BCL2: variants seen among roughly 807,000 people sequenced by gnomAD.
BCL2 encodes the protein BCL2 apoptosis regulator.
A neutral mutation model predicts 14.2 loss-of-function variants in BCL2; 1 was observed. The observed-to-expected ratio is 0.07, with a 90% confidence interval of 0.02 to 0.33. The LOEUF is 0.33. Ranked by LOEUF, BCL2 falls within the 10% of genes least tolerant of loss-of-function variation. The pLI is 0.99. For missense variants in BCL2, 247 were observed against 305.9 expected (o/e 0.81, Z 1.44); for synonymous variants, 151 against 137.2 (o/e 1.10, Z -0.70).
intron 2 of BCL2, among the ~76,000 whole-genome samples, chr18:63,222,804 A>C (rs2144163213): frequency 6.6e-6 from 1 of 152,362 alleles, no homozygotes; most frequent in South Asian, 2.1e-4. Flanking sequence ...CACCAGGACA[A>C]TAGGAGAGGA....
At chr18:63,313,756 A>AT (rs929012438) in intron 2 of BCL2, 3 of 152,152 alleles carry the variant, frequency 2.0e-5, no homozygotes, top group African/African-American at 7.2e-5. Context: ...ATCCCTCCAA[A>AT]TAGCGCAATA....
intron 2 of BCL2, among the ~76,000 whole-genome samples, chr18:63,313,241 C>A (rs1913392159): frequency 6.6e-6 from 1 of 152,188 alleles, no homozygotes; most frequent in Non-Finnish European, 1.5e-5. Context: ...GTGCCTCCAA[C>A]CTAACCCAAG....
intron 2 of BCL2, chr18:63,316,446 T>G (rs1477934440): frequency 6.6e-6 from 1 of 152,156 alleles, no homozygotes; most frequent in Non-Finnish European, 1.5e-5. Context: ...TTATAGTGAT[T>G]AAAAATCAAA....
chr18:63,125,078 T>A lies in BCL2; in HGVS notation c.*3547A>T, dbSNP rs1913875666. On this transcript the variant is annotated 3_prime_UTR_variant, in exon 3 of 3. Transcript: ENST00000333681. ...AGACATGTGTTGGGATTGCCCTGAT[T>A]ATTTACATTTAATCTTGATTATTAT... The A allele has an allele frequency of 9.0e-6, 2 of 221,430 alleles. No individual in the cohort carries two copies. The highest frequency in any genetic ancestry group is 3.7e-4 in the South Asian group (2 of 5,432). 13.7% of individuals were successfully genotyped at this position (221,430 alleles called of 1,614,324 possible).
At chr18:63,195,928 GC>G (rs1429976527) in intron 2 of BCL2, among the ~76,000 whole-genome samples, 2 of 152,154 alleles carry the variant, frequency 1.3e-5, no homozygotes, top group African/African-American at 4.8e-5. Context: ...CATAATTATA[GC>G]CCAGAGAAAA....
chr18:63,190,274 A>C (rs1342353127), intron 2 of BCL2, among the ~76,000 whole-genome samples: 1 of 152,262 alleles, frequency 6.6e-6, no homozygotes, highest in Non-Finnish European at 1.5e-5. Context: ...AGATGAGAGC[A>C]AATAAAAAAT....
intron 2 of BCL2, among the ~76,000 whole-genome samples, chr18:63,221,638 C>G (rs770852695): frequency 6.6e-6 from 1 of 152,160 alleles, no homozygotes; most frequent in African/African-American, 2.4e-5. Context: ...CATGAGGTAG[C>G]GGGGCCAGAA....
chr18:63,291,102 A>G (rs1912631960), intron 2 of BCL2, among the ~76,000 whole-genome samples: 1 of 152,174 alleles, frequency 6.6e-6, no homozygotes, highest in African/African-American at 2.4e-5. Flanking sequence ...CAGCCAACCC[A>G]ACTGGCTCTT....
intron 2 of BCL2, chr18:63,316,707 G>A (rs1219595290): frequency 6.6e-6 from 1 of 152,068 alleles, no homozygotes; most frequent in Non-Finnish European, 1.5e-5. Flanking sequence ...ACTTTTCTTG[G>A]CCTTTTCTCT....
At chr18:63,255,673 G>T (rs563176758) in intron 2 of BCL2, among the ~76,000 whole-genome samples, 1 of 152,066 alleles carries the variant, frequency 6.6e-6, no homozygotes, top group African/African-American at 2.4e-5. Context: ...AGTCTGTCTT[G>T]AATTTCCCCT....
Position 63,291,066 on chromosome 18 carries a change from G to T in BCL2, c.585+27016C>A, listed in dbSNP as rs1912630525. On this transcript the variant is annotated intron_variant, in intron 2 of 2. Coordinates refer to ENST00000333681, the MANE Select transcript of BCL2 (RefSeq NM_000633.3). Reference sequence around the variant, plus strand: ...CTGACTTCAACACCCGGCACCCACAGCTGTTTTCCACGAATAGAAAGAACA... The same window carrying T: ...CTGACTTCAACACCCGGCACCCACATCTGTTTTCCACGAATAGAAAGAACA... Among the ~76,000 whole-genome samples, 2 of 152,282 alleles carry T rather than the reference G, an allele frequency of 1.3e-5. 1 individual carries two copies. Among genetic ancestry groups the T allele is most frequent in the South Asian group, 4.1e-4 (2 of 4,826 alleles).
At chr18:63,163,821 T>C (rs974951881) in intron 2 of BCL2, among the ~76,000 whole-genome samples, 3 of 152,208 alleles carry the variant, frequency 2.0e-5, no homozygotes, top group African/African-American at 4.8e-5. Context: ...TGGAGGGAAG[T>C]TGTCCAAAGT....
intron 2 of BCL2, among the ~76,000 whole-genome samples, chr18:63,274,739 G>A (rs1312834801): frequency 6.6e-6 from 1 of 152,080 alleles, no homozygotes; most frequent in African/African-American, 2.4e-5. Flanking sequence ...GTAAAACCCC[G>A]GGTGTGGAGT....
chr18:63,242,682 C>T (rs56707267), intron 2 of BCL2, among the ~76,000 whole-genome samples: 6,112 of 152,274 alleles, frequency 0.04, 209 homozygotes, highest in African/African-American at 0.092. Context: ...AGGGCATTCT[C>T]ACCGTTCTCC....
At position 63,127,692 on chromosome 18, in the gene BCL2, G is replaced by T. The variant is rs903332576; in HGVS notation, c.*933C>A. 3 of 228,140 alleles carry T rather than the reference G, an allele frequency of 1.3e-5. No homozygotes were observed. The highest frequency in any genetic ancestry group is 2.6e-5 in the Non-Finnish European group (3 of 114,808). 14.1% of individuals were successfully genotyped at this position (228,140 alleles called of 1,614,324 possible). ...AAGCAGGCACTTGTGGCGGCCTGAT[G>T]CTCTGGGTAACTCTAGCCTTCCTGA... On this transcript the variant is annotated 3_prime_UTR_variant, in exon 3 of 3. Transcript: ENST00000333681.
intron 2 of BCL2, among the ~76,000 whole-genome samples, chr18:63,253,326 G>A (rs1306649566): frequency 2.6e-5 from 4 of 152,168 alleles, no homozygotes. Context: ...TACACTGATC[G>A]CCTACGAAGT....
At chr18:63,212,142 A>G (rs889779814) in intron 2 of BCL2, among the ~76,000 whole-genome samples, 2 of 151,650 alleles carry the variant, frequency 1.3e-5, no homozygotes, top group Non-Finnish European at 2.9e-5. Context: ...CCTGGCCAAC[A>G]TGGTGAAACC....
intron 2 of BCL2, among the ~76,000 whole-genome samples, chr18:63,235,384 A>C (rs547341178): frequency 3.9e-5 from 6 of 152,350 alleles, no homozygotes; most frequent in African/African-American, 1.4e-4. Flanking sequence ...CTTCCAAAGG[A>C]CATCTTAAAA....
intron 2 of BCL2, among the ~76,000 whole-genome samples, chr18:63,218,678 ATCC>A (rs72392312): frequency 0.12 from 31 of 264 alleles, 1 homozygote; most frequent in African/African-American, 0.14. Context: ...AGTCATCCCC[ATCC>A]TCCACTCATC....
Sources: gnomAD v4.1 joint callset for allele counts (sites outside exome capture counted in the v4.1 genomes callset) on GRCh38, gnomAD v4.1.1 for gene constraint, MANE v1.5 for transcripts, NCBI Gene and HGNC (gene_info 2026-07-23, HGNC 2026-07-21) for gene names.